CSMD1: variants seen among roughly 807,000 people sequenced by gnomAD.
CSMD1 encodes the protein CUB and Sushi multiple domains 1.
Under a neutral mutation model 417.5 loss-of-function variants are expected in CSMD1, and 213 were observed. That is an observed-to-expected ratio of 0.51 (90% CI 0.46 to 0.57). The LOEUF (loss-of-function observed/expected upper bound fraction) is 0.57, where lower values mean the gene tolerates loss of function less well. CSMD1 is among the 20% of genes least tolerant of loss of function. The pLI, the probability that CSMD1 is intolerant of heterozygous loss-of-function variation, is 0.00. For missense variants in CSMD1, 6,923 were observed against 4,529.7 expected (o/e 1.53, Z -15.17); for synonymous variants, 2,862 against 1,736.8 (o/e 1.65, Z -16.11).
chr8:4,466,446 TATATACTCAATATATAG>T (rs757960753), intron 2 of CSMD1, among the ~76,000 whole-genome samples: 132,258 of 151,378 alleles, frequency 0.87, 57,679 homozygotes, highest in Middle Eastern at 0.96. Flanking sequence ...AATGAGTATA[TATATACTCAATATATAG>T]GCAAGGAAAT....
intron 3 of CSMD1, among the ~76,000 whole-genome samples, chr8:4,164,969 G>A (rs1177249050): frequency 6.6e-6 from 1 of 152,014 alleles, no homozygotes; most frequent in East Asian, 1.9e-4. Context: ...TGAGCAGTAG[G>A]AATTTTTATA....
rs1796370343 is a variant in CSMD1 at position 3,496,488 on chromosome 8, T to C, written c.1345-2762A>G. Reference sequence around the variant, plus strand: ...TTGAAATCTTTCTACTTTTTTGATATAGGTGTTTAATGCTATAAACTACCC... The same window carrying C: ...TTGAAATCTTTCTACTTTTTTGATACAGGTGTTTAATGCTATAAACTACCC... On this transcript the variant is annotated intron_variant, in intron 10 of 69. Transcript: ENST00000635120. Among the ~76,000 whole-genome samples, 4 of 152,346 alleles carry C rather than the reference T, an allele frequency of 2.6e-5. No individual in the cohort carries two copies. In the Middle Eastern group the frequency reaches 0.01, roughly 389 times the overall value.
intron 6 of CSMD1, among the ~76,000 whole-genome samples, chr8:3,710,477 G>C (rs930449627): frequency 2.6e-5 from 4 of 152,168 alleles, no homozygotes; most frequent in Non-Finnish European, 5.9e-5. Flanking sequence ...GTGTGTGGCA[G>C]TGATTGTTAC....
intron 3 of CSMD1, among the ~76,000 whole-genome samples, chr8:4,283,602 C>G (rs1796904254): frequency 6.6e-6 from 1 of 152,124 alleles, no homozygotes; most frequent in African/African-American, 2.4e-5. Context: ...AACCCAGGTC[C>G]TTGGGGACAC....
chr8:4,732,344 CGTGTGT>C (rs750818272), intron 1 of CSMD1, among the ~76,000 whole-genome samples: 1 of 141,052 alleles, frequency 7.1e-6, no homozygotes, highest in Non-Finnish European at 1.5e-5. Context: ...ATTTCTTCTG[CGTGTGT>C]GTGTGTGTGT....
chr8:4,232,947 C>G (rs554478757), intron 3 of CSMD1, among the ~76,000 whole-genome samples: 11 of 152,224 alleles, frequency 7.2e-5, no homozygotes, highest in African/African-American at 2.6e-4. Context: ...TTTCTGCAGT[C>G]AAGCATAATT....
At chr8:3,271,549 T>G (rs960661946) in intron 26 of CSMD1, among the ~76,000 whole-genome samples, 1 of 150,864 alleles carries the variant, frequency 6.6e-6, no homozygotes, top group Non-Finnish European at 1.5e-5. Context: ...CCAGCAACAG[T>G]GTAAAAGTGT....
intron 8 of CSMD1, among the ~76,000 whole-genome samples, chr8:3,586,726 A>T (rs977771037): frequency 3.0e-4 from 45 of 152,156 alleles, no homozygotes; most frequent in African/African-American, 1.0e-3. Context: ...ACACATGTTA[A>T]TTATATTTAA....
chr8:3,520,707 T>C (rs1400574601), intron 10 of CSMD1, among the ~76,000 whole-genome samples: 1 of 152,058 alleles, frequency 6.6e-6, no homozygotes, highest in African/African-American at 2.4e-5. Flanking sequence ...CTTCTGCTTG[T>C]TGCATGGCTG....
At chr8:4,705,929 T>G (rs1298426929) in intron 1 of CSMD1, among the ~76,000 whole-genome samples, 2 of 152,076 alleles carry the variant, frequency 1.3e-5, no homozygotes, top group African/African-American at 4.8e-5. Flanking sequence ...TGGTGCTGCT[T>G]ATTTGATAAA....
chr8:3,826,779 T>C (rs780444126), intron 5 of CSMD1, among the ~76,000 whole-genome samples: 2 of 146,176 alleles, frequency 1.4e-5, no homozygotes, highest in African/African-American at 5.6e-5. Context: ...CATATTTTTA[T>C]TTATTTTTAA....
intron 26 of CSMD1, among the ~76,000 whole-genome samples, chr8:3,264,428 A>C (rs1233733832): frequency 1.3e-5 from 2 of 152,106 alleles, no homozygotes; most frequent in African/African-American, 2.4e-5. Flanking sequence ...TTGCCACACA[A>C]GTGTCAGGAG....
intron 12 of CSMD1, among the ~76,000 whole-genome samples, chr8:3,414,786 G>T (rs554934533): frequency 6.6e-6 from 1 of 152,122 alleles, no homozygotes; most frequent in Non-Finnish European, 1.5e-5. Context: ...CCCCTCTTCA[G>T]CCTTCACACC....
At chr8:3,710,696 G>C (rs921843823) in intron 6 of CSMD1, among the ~76,000 whole-genome samples, 1 of 152,102 alleles carries the variant, frequency 6.6e-6, no homozygotes, top group Non-Finnish European at 1.5e-5. Flanking sequence ...TCTTTGCAGC[G>C]ACACTGTGCA....
In CSMD1 at chr8:3,096,620, A is replaced by G. The variant is rs186957630; in HGVS notation, c.7138+229T>C. Among the ~76,000 whole-genome samples, 1,076 of 152,290 alleles carry G rather than the reference A, an allele frequency of 7.1e-3. 13 individuals are homozygous for G. The highest frequency in any genetic ancestry group is 0.012 in the Non-Finnish European group (803 of 68,024). Reference sequence around the variant, plus strand: ...TCCTAGTCTTGGGTCTGTCTTTATCAGCAGCATGAAAATGGACTAATACAG... The same window carrying G: ...TCCTAGTCTTGGGTCTGTCTTTATCGGCAGCATGAAAATGGACTAATACAG... On this transcript the variant is annotated intron_variant, in intron 47 of 69. Transcript: ENST00000635120.
At chr8:3,408,545 A>G (rs1812486781) in intron 13 of CSMD1, among the ~76,000 whole-genome samples, 1 of 151,368 alleles carries the variant, frequency 6.6e-6, no homozygotes, top group African/African-American at 2.5e-5. Flanking sequence ...CTGCCTTCAG[A>G]AGAGCAAATA....
intron 3 of CSMD1, among the ~76,000 whole-genome samples, chr8:4,219,206 A>G (rs962406181): frequency 6.6e-6 from 1 of 152,118 alleles, no homozygotes; most frequent in African/African-American, 2.4e-5. Flanking sequence ...TCTGCTGTAA[A>G]ATTATTTTTT....
chr8:3,095,298 C>T (rs1815221387), intron 47 of CSMD1, among the ~76,000 whole-genome samples: 1 of 152,128 alleles, frequency 6.6e-6, no homozygotes, highest in Non-Finnish European at 1.5e-5. Context: ...TTAATTTTTG[C>T]ATAATACCTA....
At chr8:3,669,160 A>C (rs1057499289) in intron 7 of CSMD1, among the ~76,000 whole-genome samples, 4 of 152,234 alleles carry the variant, frequency 2.6e-5, no homozygotes, top group African/African-American at 9.6e-5. Context: ...CAAGGAAAGC[A>C]CGTACAAATG....
Sources: allele counts gnomAD v4.1 joint callset (sites outside exome capture counted in the v4.1 genomes callset), GRCh38; gene constraint gnomAD v4.1.1; transcripts MANE v1.5; gene names NCBI Gene and HGNC (gene_info 2026-07-23, HGNC 2026-07-21).